Variants in SELENOP observed in about 807,000 individuals in gnomAD.
SELENOP encodes the protein selenoprotein P, plasma, 1.
Under a neutral mutation model 41.0 loss-of-function variants are expected in SELENOP, and 36 were observed. The ratio of observed to expected loss-of-function variants is 0.88; its 90% CI spans 0.67 to 1.16. The LOEUF is 1.16. Ranked by LOEUF, SELENOP falls within the 50% of genes most tolerant of loss-of-function variation. The pLI, the probability that SELENOP is intolerant of heterozygous loss-of-function variation, is 0.00. For missense variants in SELENOP, 440 were observed against 454.2 expected (o/e 0.97, Z 0.28); for synonymous variants, 144 against 150.8 (o/e 0.95, Z 0.33).
chr5:42,807,617 G>C (rs1760361292), intron 2 of SELENOP: 1 of 155,094 alleles, frequency 6.4e-6, no homozygotes, highest in African/African-American at 2.4e-5. Context: ...TTTATATAAA[G>C]GATTTGAGCT....
intron 3 of SELENOP, chr5:42,805,923 A>C (rs1396155326): frequency 2.6e-5 from 4 of 152,250 alleles, no homozygotes; most frequent in Non-Finnish European, 5.9e-5. Flanking sequence ...GGCAATAATC[A>C]AAAGCAAATA....
At chr5:42,810,889 C>T (rs1269432383) in intron 1 of SELENOP, 3 of 382,530 alleles carry the variant, frequency 7.8e-6, no homozygotes, top group Non-Finnish European at 1.1e-5. Context: ...TTCACACTTT[C>T]GGATTTCTTC....
At chr5:42,806,673 C>T (rs915271991) in intron 3 of SELENOP, 3 of 332,276 alleles carry the variant, frequency 9.0e-6, no homozygotes, top group Non-Finnish European at 1.7e-5. Flanking sequence ...ATGAGGAAAA[C>T]CAGCAGGGTA....
intron 1 of SELENOP, among the ~76,000 whole-genome samples, chr5:42,808,594 C>G (rs962079161): frequency 2.0e-5 from 3 of 152,024 alleles, no homozygotes; most frequent in African/African-American, 7.2e-5. Context: ...CAAGTTCTGA[C>G]TGTTCTTTCT....
In SELENOP at chr5:42,808,280, C is replaced by A; in HGVS notation, c.74G>T (p.Ser25Ile). ...PSGGTESQDQ[S>I]SLCKQPPAWS... ...GGCTGGGGGTTGCTTACATAAGGAG[C>A]TTTGGTCCTGGCTCTCTGTTCCTCC... Residue 25 changes from serine (S) to isoleucine (I), a missense_variant, in exon 2 of 5, where the codon AGC (serine) becomes ATC (isoleucine). Physicochemically the swap from Ser to Ile is moderately radical, Grantham distance 142. Coordinates refer to ENST00000514985, the MANE Select transcript of SELENOP (RefSeq NM_005410.4). 1 of 1,567,274 alleles carries A rather than the reference C, an allele frequency of 6.4e-7. No individual in the cohort carries two copies. The highest frequency in any genetic ancestry group is 8.6e-7 in the Non-Finnish European group (1 of 1,156,810).
chr5:42,801,279 T>C lies in SELENOP; in HGVS notation c.587A>G (p.Lys196Arg), dbSNP rs1265850584. ...ATGAGGCGATGGAGTTTCAACTGTT[T>C]TATCCACAGTAGCCAAAGATACACG... ...CKRVSLATVD[K>R]TVETPSPHYH... is the part of the protein sequence containing the mutation. The change falls in exon 5 of 5, where the codon AAA becomes AGA. Residue 196 changes from lysine to arginine, a missense_variant. Coordinates refer to ENST00000514985, the MANE Select transcript of SELENOP (RefSeq NM_005410.4). 2 of 1,613,974 alleles carry C rather than the reference T, an allele frequency of 1.2e-6. No homozygotes were observed. Among genetic ancestry groups the C allele is most frequent in the Non-Finnish European group, 1.7e-6 (2 of 1,179,962 alleles).
At chr5:42,810,151 A>G (rs1442655752) in intron 1 of SELENOP, among the ~76,000 whole-genome samples, 3 of 152,188 alleles carry the variant, frequency 2.0e-5, no homozygotes, top group Admixed American at 6.5e-5. Context: ...ACAGAGAGAA[A>G]GTCAGTCACA....
At chr5:42,810,130 T>C (rs1183226579) in intron 1 of SELENOP, among the ~76,000 whole-genome samples, 1 of 152,192 alleles carries the variant, frequency 6.6e-6, no homozygotes, top group Non-Finnish European at 1.5e-5. Flanking sequence ...AGGTAACTTG[T>C]CTATGATCAC....
In SELENOP at chr5:42,800,054, C is replaced by T; in HGVS notation, c.*666G>A. The T allele has an allele frequency of 3.1e-6, 1 of 319,698 alleles. No individual in the cohort carries two copies. The highest frequency in any genetic ancestry group is 5.7e-6 in the Non-Finnish European group (1 of 176,238). 19.8% of individuals were successfully genotyped at this position (319,698 alleles called of 1,614,324 possible). A position where few individuals can be genotyped will look rare whatever the true frequency, so the allele number is the denominator to read the frequency against. ...ACTTACTAAGCAATATAGAGACAGA[C>T]AATATTATCTTTCCCCTTATATCTT... On this transcript the variant is annotated 3_prime_UTR_variant, in exon 5 of 5. Coordinates refer to ENST00000514985, the MANE Select transcript of SELENOP (RefSeq NM_005410.4).
rs748559229 is a variant in SELENOP at position 42,801,023 on chromosome 5, A to C, written c.843T>G (p.Cys281Trp). ...DLQKKLCRKR[C>W]INQLLCKLPT... ...GCAATTTACAGAGTAATTGATTTAT[A>C]CATCTCTTTCGACAGAGCTTCTTTT... Residue 281 changes from cysteine to tryptophan, a missense_variant, in exon 5 of 5, where the codon TGT becomes TGG. Physicochemically the swap from Cys to Trp is radical, Grantham distance 215 (BLOSUM62 -2). Transcript: ENST00000514985. 6 of 1,614,028 alleles carry C rather than the reference A, an allele frequency of 3.7e-6. No homozygotes were observed. In the East Asian group the frequency reaches 1.1e-4, roughly 30 times the overall value.
chr5:42,809,753 C>T (rs1033484063), intron 1 of SELENOP: 7 of 929,382 alleles, frequency 7.5e-6, no homozygotes, highest in African/African-American at 3.6e-5. Flanking sequence ...CACATCAAAA[C>T]TCTTACCTAT....
intron 3 of SELENOP, chr5:42,806,639 A>C: frequency 3.7e-6 from 1 of 273,640 alleles, no homozygotes. Flanking sequence ...GGAAGTGTGG[A>C]GGAGGAGAAA....
At chr5:42,809,435 C>T (rs972632107) in intron 1 of SELENOP, among the ~76,000 whole-genome samples, 2 of 152,162 alleles carry the variant, frequency 1.3e-5, no homozygotes, top group South Asian at 2.1e-4. Flanking sequence ...GAAAAAGGAA[C>T]ACATTCAGCA....
chr5:42,805,424 A>G (rs1760311338), intron 3 of SELENOP: 1 of 152,216 alleles, frequency 6.6e-6, no homozygotes, highest in African/African-American at 2.4e-5. Flanking sequence ...AAAGAATGAA[A>G]TGTGAATTTT....
chr5:42,804,105 A>G (rs1760272928), intron 4 of SELENOP, among the ~76,000 whole-genome samples: 1 of 152,206 alleles, frequency 6.6e-6, no homozygotes, highest in African/African-American at 2.4e-5. Context: ...CGATACATTG[A>G]TTTTTAATTT....
chr5:42,803,619 T>C (rs928117622), intron 4 of SELENOP, among the ~76,000 whole-genome samples: 1 of 152,226 alleles, frequency 6.6e-6, no homozygotes. Flanking sequence ...TTTTTAAACC[T>C]AAGTTCAAAT....
chr5:42,805,535 T>C (rs1254681646), intron 3 of SELENOP: 2 of 152,222 alleles, frequency 1.3e-5, no homozygotes, highest in Non-Finnish European at 2.9e-5. Context: ...AATGCATGAA[T>C]TGAGATTCCC....
chr5:42,810,963 C>T (rs957690829), intron 1 of SELENOP, among the ~76,000 whole-genome samples: 1 of 152,074 alleles, frequency 6.6e-6, no homozygotes, highest in Non-Finnish European at 1.5e-5. Flanking sequence ...CACCGTAAAC[C>T]TTTGATAATT....
At position 42,808,339 on chromosome 5, in the gene SELENOP, C is replaced by T. The variant is rs1397251995; in HGVS notation, c.15G>A (p.Leu5=). 3 of 1,411,796 alleles carry T rather than the reference C, an allele frequency of 2.1e-6. No individual in the cohort carries two copies. The highest frequency in any genetic ancestry group is 2.8e-6 in the Non-Finnish European group (3 of 1,077,118). 87.5% of individuals were successfully genotyped at this position (1,411,796 alleles called of 1,614,324 possible). MWRS[L]GLALALCLLP... is the part of the protein sequence containing the mutation. ...GGAGACAGAGAGCCAGGGCAAGCCCCAGGCTTCTCCACATTGCTGGGGTTG... is the reference window on the plus strand; with the variant it reads ...GGAGACAGAGAGCCAGGGCAAGCCCTAGGCTTCTCCACATTGCTGGGGTTG... Residue 5 remains leucine (L), a synonymous_variant, in exon 2 of 5, where the codon CTG becomes CTA. Transcript: ENST00000514985.
Sources: allele counts gnomAD v4.1 joint callset (sites outside exome capture counted in the v4.1 genomes callset), GRCh38; gene constraint gnomAD v4.1.1; transcripts MANE v1.5; gene names NCBI Gene and HGNC (gene_info 2026-07-23, HGNC 2026-07-21).